The following ADAM2 variants were observed in gnomAD, a reference collection of about 807,000 sequenced individuals.
The protein encoded by ADAM2 is ADAM metallopeptidase domain 2.
ADAM2 carries 101 observed loss-of-function variants against 99.3 expected under a neutral mutation model. The observed-to-expected ratio is 1.02, with a 90% CI of 0.87 to 1.20. The LOEUF (loss-of-function observed/expected upper bound fraction) is 1.20, where lower values mean the gene tolerates loss of function less well. Among genes scored for constraint, ADAM2 ranks in the 50% most tolerant of loss-of-function variants. The probability of loss-of-function intolerance (pLI) is 0.00; values close to 1 mark genes in which losing one functional copy is unlikely to be tolerated. For missense variants in ADAM2, 948 were observed against 878.7 expected, an observed-to-expected ratio of 1.08 and a Z score of -1.00; for synonymous variants, 323 against 287.6, an observed-to-expected ratio of 1.12 and a Z score of -1.25.
At chr8:39,748,078 G>A (rs1586039574) in intron 18 of ADAM2, among the ~76,000 whole-genome samples, 2 of 152,168 alleles carry the variant, frequency 1.3e-5, no homozygotes, top group South Asian at 2.1e-4. Flanking sequence ...TTATGAATTT[G>A]AGGAGGGCTT....
rs1316482810 is a variant in ADAM2, at chr8:39,837,133, T to C, written c.132+3A>G. The stretch of plus-strand genomic sequence containing the variant: ...TTTGTAAATACTGTTAGTGATTCAT[T>C]ACCTGCGATTCAATTCCTTCCTTTA... On this transcript the variant is annotated splice_donor_region_variant and intron_variant, in intron 2 of 20. Transcript: ENST00000265708. 1.3e-6 allele frequency: 2 copies of C among 1,585,878 alleles called. No homozygotes were observed. Among genetic ancestry groups the C allele is most frequent in the Admixed American group, 1.7e-5 (1 of 58,124 alleles).
intron 7 of ADAM2, among the ~76,000 whole-genome samples, chr8:39,800,812 A>G (rs940198703): frequency 7.9e-5 from 12 of 152,132 alleles, no homozygotes; most frequent in South Asian, 2.1e-4. Context: ...TACTTGGTCA[A>G]TTCAGCTGTT....
In ADAM2 at chr8:39,745,974, T is replaced by G. The variant is rs567021448; in HGVS notation, c.2174+498A>C. ...TAAAATTGCAATTATTATATGTGTA[T>G]ATATGCATGTGTATGTGTGTGTGTG... is the stretch of plus-strand genomic sequence containing the variant. On this transcript the variant is annotated intron_variant, in intron 19 of 20. Transcript: ENST00000265708. Among the ~76,000 whole-genome samples, 7 of 151,484 alleles carry G rather than the reference T, an allele frequency of 4.6e-5. No homozygotes were observed. In the East Asian group the frequency reaches 1.4e-3, roughly 30 times the overall value.
At chr8:39,835,847 A>G (rs1238402042) in intron 2 of ADAM2, among the ~76,000 whole-genome samples, 1 of 152,046 alleles carries the variant, frequency 6.6e-6, no homozygotes, top group Non-Finnish European at 1.5e-5. Flanking sequence ...TTAATTCATT[A>G]CAGTATTTTA....
At chr8:39,756,958 G>T (rs922363802) in intron 15 of ADAM2, among the ~76,000 whole-genome samples, 1 of 152,158 alleles carries the variant, frequency 6.6e-6, no homozygotes, top group Non-Finnish European at 1.5e-5. Flanking sequence ...ACATTCCCAG[G>T]ATTCAACTAA....
intron 14 of ADAM2, among the ~76,000 whole-genome samples, chr8:39,765,481 A>G (rs1802536506): frequency 6.6e-6 from 1 of 152,250 alleles, no homozygotes; most frequent in Non-Finnish European, 1.5e-5. Context: ...AAATTTGATA[A>G]CAGAAAAAAT....
At chr8:39,778,424 C>T (rs771465437) in intron 10 of ADAM2, among the ~76,000 whole-genome samples, 19 of 152,152 alleles carry the variant, frequency 1.2e-4, no homozygotes, top group Non-Finnish European at 2.4e-4. Context: ...TTTACTACAT[C>T]ATTGCAAGGA....
chr8:39,801,795 G>C (rs1050294852), intron 7 of ADAM2, among the ~76,000 whole-genome samples: 1 of 152,126 alleles, frequency 6.6e-6, no homozygotes, highest in Non-Finnish European at 1.5e-5. Flanking sequence ...CACGCTGGCC[G>C]CATACTGCCA....
intron 6 of ADAM2, among the ~76,000 whole-genome samples, chr8:39,814,448 T>C (rs1220542045): frequency 6.6e-6 from 1 of 151,994 alleles, no homozygotes; most frequent in Non-Finnish European, 1.5e-5. Context: ...ATACATGATG[T>C]TGAAAGAGGA....
intron 10 of ADAM2, among the ~76,000 whole-genome samples, chr8:39,783,375 T>G (rs1803313525): frequency 6.6e-6 from 1 of 152,164 alleles, no homozygotes; most frequent in Admixed American, 6.6e-5. Flanking sequence ...TAAATATGAT[T>G]ATGGACCTCT....
At chr8:39,792,915 C>T (rs1323475305) in intron 7 of ADAM2, among the ~76,000 whole-genome samples, 2 of 152,090 alleles carry the variant, frequency 1.3e-5, no homozygotes, top group African/African-American at 4.8e-5. Context: ...AAAACACAAA[C>T]TGGGTCGGGA....
intron 3 of ADAM2, among the ~76,000 whole-genome samples, chr8:39,829,194 G>A (rs1805524328): frequency 6.6e-6 from 1 of 151,872 alleles, no homozygotes; most frequent in South Asian, 2.1e-4. Flanking sequence ...ATAAGATTTA[G>A]TCATGGCCTT....
chr8:39,788,282 A>C (rs1412609492), intron 8 of ADAM2, 31 bp from the exon 9 acceptor site: 2 of 1,380,120 alleles, frequency 1.4e-6, no homozygotes, highest in Non-Finnish European at 1.9e-6. Flanking sequence ...AAGTGTGCTC[A>C]AAAGTCACAG....
At chr8:39,814,783 G>A (rs2129587461) in intron 6 of ADAM2, among the ~76,000 whole-genome samples, 1 of 151,722 alleles carries the variant, frequency 6.6e-6, no homozygotes, top group African/African-American at 2.4e-5. Flanking sequence ...AATTTGGACT[G>A]GGACTGAATA....
intron 3 of ADAM2, among the ~76,000 whole-genome samples, chr8:39,829,770 A>G (rs995467471): frequency 1.3e-5 from 2 of 152,078 alleles, no homozygotes; most frequent in African/African-American, 4.8e-5. Flanking sequence ...TTGTATAATC[A>G]TGAAATTGGA....
chr8:39,778,905 T>C (rs1803107462), intron 10 of ADAM2, among the ~76,000 whole-genome samples: 1 of 152,118 alleles, frequency 6.6e-6, no homozygotes, highest in Non-Finnish European at 1.5e-5. Context: ...TGCATCTTTA[T>C]ACTTTTCTCT....
At chr8:39,796,690 G>A (rs554131517) in intron 7 of ADAM2, among the ~76,000 whole-genome samples, 95 of 152,020 alleles carry the variant, frequency 6.2e-4, no homozygotes, top group African/African-American at 1.8e-3. Flanking sequence ...TCTCCACAGC[G>A]TCTCCAGCAT....
At chr8:39,837,991 A>G (rs1805908178) in intron 1 of ADAM2, 140 bp downstream of exon 1, 1 of 877,228 alleles carries the variant, frequency 1.1e-6, no homozygotes, top group East Asian at 2.7e-5. Flanking sequence ...GAAGGCGGCA[A>G]TGTCGGGGAT....
At chr8:39,820,683 G>A (rs909679522) in intron 6 of ADAM2, among the ~76,000 whole-genome samples, 1 of 152,092 alleles carries the variant, frequency 6.6e-6, no homozygotes, top group Admixed American at 6.6e-5. Context: ...TATGTGGATG[G>A]CATTTGTGTT....
Sources: allele counts gnomAD v4.1 joint callset (sites outside exome capture counted in the v4.1 genomes callset), GRCh38; gene constraint gnomAD v4.1.1; transcripts MANE v1.5; gene names NCBI Gene and HGNC (gene_info 2026-07-23, HGNC 2026-07-21).